The following DOCK10 variants were observed in gnomAD, a reference collection of about 807,000 sequenced individuals.
The protein encoded by DOCK10 is dedicator of cytokinesis protein 10.
DOCK10 carries 145 observed loss-of-function variants against 280.1 expected under a neutral mutation model. The observed-to-expected ratio is 0.52, with a 90% CI of 0.45 to 0.59. DOCK10 has a LOEUF of 0.59. DOCK10 is among the 20% of genes least tolerant of loss of function. The pLI is 0.00. For missense variants in DOCK10, 2,368 were observed against 2,651.7 expected (o/e 0.89, Z 2.35); for synonymous variants, 915 against 942.2 (o/e 0.97, Z 0.53).
At chr2:224,904,547 C>CTGTGCTCTGGTCTAAAGTTA (rs1258144284) in intron 3 of DOCK10, among the ~76,000 whole-genome samples, 14 of 152,176 alleles carry the variant, frequency 9.2e-5, no homozygotes, top group Non-Finnish European at 1.8e-4. Flanking sequence ...TCCACACTAA[C>CTGTGCTCTGGTCTAAAGTTA]TGTGCTCTGG....
At chr2:225,017,969 TG>T (rs1192028532) in intron 1 of DOCK10, among the ~76,000 whole-genome samples, 1 of 152,160 alleles carries the variant, frequency 6.6e-6, no homozygotes, top group Non-Finnish European at 1.5e-5. Context: ...CCCCATTCCC[TG>T]CCTCTCCAAA....
At chr2:224,944,657 T>C (rs1374308614) in intron 1 of DOCK10, among the ~76,000 whole-genome samples, 2 of 152,238 alleles carry the variant, frequency 1.3e-5, no homozygotes, top group East Asian at 3.8e-4. Flanking sequence ...TCAGGATATC[T>C]GTTTCAAATC....
intron 4 of DOCK10, among the ~76,000 whole-genome samples, chr2:224,888,816 GTATGTATGTGTGTGAA>G (rs963940838): frequency 3.2e-4 from 45 of 139,036 alleles, no homozygotes; most frequent in African/African-American, 1.4e-3. Context: ...ATATATGTGT[GTATGTATGTGTGTGAA>G]TATGTATGTG....
chr2:224,921,988 A>C (rs559438837), intron 2 of DOCK10, among the ~76,000 whole-genome samples: 20 of 152,086 alleles, frequency 1.3e-4, no homozygotes, highest in Admixed American at 1.0e-3. Flanking sequence ...GCATGGTGGC[A>C]CATGCCTGCA....
intron 41 of DOCK10, among the ~76,000 whole-genome samples, chr2:224,798,788 T>G (rs895697465): frequency 6.6e-6 from 1 of 151,966 alleles, no homozygotes; most frequent in Non-Finnish European, 1.5e-5. Context: ...TGTGCCACCA[T>G]AGTTGACTAA....
chr2:225,026,914 T>C (rs936129797), intron 1 of DOCK10, among the ~76,000 whole-genome samples: 1 of 152,204 alleles, frequency 6.6e-6, no homozygotes, highest in African/African-American at 2.4e-5. Flanking sequence ...AGTGAATCTC[T>C]GTTTATTGAT....
chr2:224,931,484 G>A (rs1702372332), intron 2 of DOCK10, 65 bp downstream of exon 2: 1 of 1,518,798 alleles, frequency 6.6e-7, no homozygotes, highest in Non-Finnish European at 8.9e-7. Flanking sequence ...AATCTACAGG[G>A]AAAGACAATG....
rs140549498 is a variant in DOCK10, at chr2:224,858,097, T to C, written c.1686-1115A>G. On this transcript the variant is annotated intron_variant, in intron 14 of 55. Transcript: ENST00000258390. The stretch of plus-strand genomic sequence containing the variant: ...TTTTATTTAAATATTATAAAGGGCG[T>C]TTGTTTCAGTGCATCACATGTTGAA... 5.0e-3 allele frequency among the ~76,000 whole-genome samples: 762 copies of C among 152,276 alleles called. 5 individuals are homozygous for C. The highest frequency in any genetic ancestry group is 0.016 in the African/African-American group (665 of 41,546).
At chr2:224,849,281 C>T (rs1025384477) in intron 19 of DOCK10, among the ~76,000 whole-genome samples, 2 of 152,174 alleles carry the variant, frequency 1.3e-5, no homozygotes, top group African/African-American at 4.8e-5. Flanking sequence ...GCCAGCATTC[C>T]ATTTTTTTTA....
At chr2:224,987,724 G>A (rs1706009945) in intron 1 of DOCK10, among the ~76,000 whole-genome samples, 1 of 152,132 alleles carries the variant, frequency 6.6e-6, no homozygotes, top group Admixed American at 6.5e-5. Flanking sequence ...AGGGCCAGAA[G>A]GCAGAGTATT....
intron 15 of DOCK10, 127 bp from the exon 16 acceptor site, chr2:224,855,169 G>A: frequency 2.1e-6 from 1 of 479,404 alleles, no homozygotes; most frequent in Non-Finnish European, 3.5e-6. Flanking sequence ...AGGGTAAACA[G>A]CAGACTCCCA....
At chr2:224,965,388 G>A (rs1193129903) in intron 1 of DOCK10, among the ~76,000 whole-genome samples, 1 of 152,164 alleles carries the variant, frequency 6.6e-6, no homozygotes, top group Non-Finnish European at 1.5e-5. Context: ...CAAGGTCAAT[G>A]TTCCTACACA....
chr2:225,026,852 A>G (rs1211918791), intron 1 of DOCK10, among the ~76,000 whole-genome samples: 1 of 152,136 alleles, frequency 6.6e-6, no homozygotes, highest in Non-Finnish European at 1.5e-5. Context: ...TGTTCCATGG[A>G]TTGAAAATAT....
chr2:224,813,407 G>A (rs1455349300), intron 31 of DOCK10, among the ~76,000 whole-genome samples: 3 of 152,100 alleles, frequency 2.0e-5, no homozygotes, highest in Non-Finnish European at 4.4e-5. Context: ...TGTTGGCCAG[G>A]GTGATGTCGA....
Position 224,765,454 on chromosome 2 carries a change from A to G in DOCK10, c.*267T>C, listed in dbSNP as rs1478017363. On this transcript the variant is annotated 3_prime_UTR_variant, in exon 56 of 56. Transcript: ENST00000258390. ...GGGTACTGACCATACAATAACTGAC[A>G]GCAAACTTAGGGTTTGCATTTGAGC... 8.6e-6 allele frequency: 3 copies of G among 349,040 alleles called. No individual in the cohort carries two copies. In the Admixed American group the frequency reaches 1.3e-4, roughly 16 times the overall value. 21.6% of individuals were successfully genotyped at this position (349,040 alleles called of 1,614,324 possible).
At chr2:224,896,194 G>A (rs1345767666) in intron 4 of DOCK10, 101 bp downstream of exon 4, 1 of 637,422 alleles carries the variant, frequency 1.6e-6, no homozygotes, top group Non-Finnish European at 2.5e-6. Flanking sequence ...TGCCTTGACA[G>A]AAGATTAATG....
chr2:224,867,113 T>G (rs1327735728), intron 11 of DOCK10, among the ~76,000 whole-genome samples: 4 of 139,774 alleles, frequency 2.9e-5, no homozygotes, highest in Admixed American at 2.8e-4. Flanking sequence ...CACACAAAAT[T>G]TATTTATCTC....
chr2:224,956,809 C>T (rs890090039), intron 1 of DOCK10, among the ~76,000 whole-genome samples: 5 of 152,078 alleles, frequency 3.3e-5, no homozygotes, highest in Non-Finnish European at 7.4e-5. Context: ...TTATACTGCA[C>T]GGAGATCTCA....
chr2:225,017,667 G>A (rs1371942538), intron 1 of DOCK10, among the ~76,000 whole-genome samples: 38 of 133,320 alleles, frequency 2.9e-4, no homozygotes, highest in Admixed American at 1.6e-3. Flanking sequence ...GAACTGTCTA[G>A]CCAAAGAAGC....
Sources: gnomAD v4.1 joint callset for allele counts (sites outside exome capture counted in the v4.1 genomes callset) on GRCh38, gnomAD v4.1.1 for gene constraint, MANE v1.5 for transcripts, NCBI Gene and HGNC (gene_info 2026-07-23, HGNC 2026-07-21) for gene names.